Variants in COL22A1 observed in about 807,000 individuals in gnomAD.
The protein encoded by COL22A1 is collagen type XXII alpha 1 chain.
COL22A1 carries 221 observed loss-of-function variants against 248.9 expected under a neutral mutation model. That is an observed-to-expected ratio of 0.89 (90% CI 0.80 to 0.99). COL22A1 has a LOEUF of 0.99. COL22A1 is among the 50% of genes least tolerant of loss of function. The pLI, the probability that COL22A1 is intolerant of heterozygous loss-of-function variation, is 0.00. For missense variants in COL22A1, 2,240 were observed against 2,179.0 expected (o/e 1.03, Z -0.56); for synonymous variants, 891 against 793.4 (o/e 1.12, Z -2.07).
chr8:138,668,924 C>T (rs962437875), intron 41 of COL22A1, among the ~76,000 whole-genome samples: 7 of 152,066 alleles, frequency 4.6e-5, no homozygotes, highest in African/African-American at 1.7e-4. Context: ...TTAGTGGGGT[C>T]GGGGGCTTCA....
chr8:138,830,429 A>C (rs960634402), intron 5 of COL22A1, among the ~76,000 whole-genome samples: 2 of 152,236 alleles, frequency 1.3e-5, no homozygotes, highest in Non-Finnish European at 2.9e-5. Context: ...TTTTATGTAT[A>C]TGTGTTTAAA....
At chr8:138,839,173 G>A (rs149425276) in intron 4 of COL22A1, among the ~76,000 whole-genome samples, 126 of 152,336 alleles carry the variant, frequency 8.3e-4, no homozygotes, top group Middle Eastern at 3.4e-3. Flanking sequence ...ATTTGTGGAA[G>A]GAGAGAAGAA....
intron 10 of COL22A1, among the ~76,000 whole-genome samples, chr8:138,803,432 C>A (rs6995351): frequency 0.056 from 8,513 of 152,054 alleles, 634 homozygotes; most frequent in African/African-American, 0.17. Context: ...GCTTAGCTTC[C>A]GAGATCAGAC....
intron 30 of COL22A1, 113 bp from the exon 31 acceptor site, chr8:138,703,460 G>C: frequency 1.0e-6 from 1 of 958,730 alleles, no homozygotes; most frequent in Admixed American, 1.9e-5. Flanking sequence ...GTTGTCTTCT[G>C]CAGGGTGCAG....
At chr8:138,894,312 G>T (rs1339830274) in intron 1 of COL22A1, among the ~76,000 whole-genome samples, 4 of 152,200 alleles carry the variant, frequency 2.6e-5, no homozygotes, top group African/African-American at 9.6e-5. Flanking sequence ...AGAGACCAAT[G>T]AGGAGTTCTA....
intron 15 of COL22A1, chr8:138,778,089 T>A (rs1041332552): frequency 7.4e-6 from 4 of 538,772 alleles, no homozygotes; most frequent in Non-Finnish European, 1.3e-5. Flanking sequence ...TGGTTAAAAA[T>A]GCAGATTCCT....
At chr8:138,837,355 C>T (rs186506748) in intron 4 of COL22A1, among the ~76,000 whole-genome samples, 6 of 152,322 alleles carry the variant, frequency 3.9e-5, no homozygotes, top group East Asian at 3.9e-4. Context: ...CCAAGTTGGA[C>T]GAGGCCAGTC....
chr8:138,637,989 C>G (rs117943239), intron 47 of COL22A1, among the ~76,000 whole-genome samples: 143 of 151,830 alleles, frequency 9.4e-4, no homozygotes, highest in East Asian at 9.2e-3. Context: ...TCATCATCGT[C>G]TACATCATAA....
At chr8:138,838,620 C>A (rs537457191) in intron 4 of COL22A1, among the ~76,000 whole-genome samples, 2 of 129,652 alleles carry the variant, frequency 1.5e-5, no homozygotes, top group African/African-American at 2.8e-5. Flanking sequence ...GAGTTGAATA[C>A]AACAAAACTT....
In COL22A1 at chr8:138,906,886, C is replaced by T. The variant is rs193261984; in HGVS notation, c.-73+6733G>A. On this transcript the variant is annotated intron_variant, in intron 1 of 64. Transcript: ENST00000303045. The stretch of plus-strand genomic sequence containing the variant: ...CAGGCTGGTCTCGAACTCCTGACCT[C>T]AAGTGATCCTTCCGCCTCGGCCTCC... 1.5e-3 allele frequency among the ~76,000 whole-genome samples: 223 copies of T among 152,326 alleles called. 1 individual carries two copies. The highest frequency in any genetic ancestry group is 5.1e-3 in the African/African-American group (210 of 41,584).
intron 32 of COL22A1, among the ~76,000 whole-genome samples, chr8:138,697,831 T>C (rs1040553633): frequency 2.0e-5 from 3 of 152,204 alleles, no homozygotes; most frequent in African/African-American, 7.2e-5. Context: ...AATACAAACA[T>C]GGGTTGCCAT....
intron 45 of COL22A1, 60 bp downstream of exon 45, chr8:138,655,837 G>T: frequency 1.5e-6 from 2 of 1,373,656 alleles, no homozygotes; most frequent in African/African-American, 1.4e-5. Flanking sequence ...TTATTATCAA[G>T]ATCTCCAATC....
intron 21 of COL22A1, among the ~76,000 whole-genome samples, chr8:138,752,338 G>A (rs150736258): frequency 3.9e-5 from 6 of 152,288 alleles, no homozygotes; most frequent in South Asian, 4.1e-4. Context: ...CCACATCTTC[G>A]ATAAATATTA....
At chr8:138,716,457 C>T (rs577380068) in intron 28 of COL22A1, among the ~76,000 whole-genome samples, 168 bp from the exon 29 acceptor site, 6 of 152,160 alleles carry the variant, frequency 3.9e-5, no homozygotes, top group African/African-American at 7.2e-5. Context: ...TAGAGAATTT[C>T]GTTCACTAGG....
chr8:138,589,913 C>G (rs1384371312), intron 64 of COL22A1, among the ~76,000 whole-genome samples: 1 of 151,946 alleles, frequency 6.6e-6, no homozygotes, highest in African/African-American at 2.4e-5. Flanking sequence ...TGTTCCAAAT[C>G]TGTATTTTCT....
rs760657297 is a variant in COL22A1, at chr8:138,685,218, T to G, written c.2957A>C (p.Asp986Ala). 3.7e-6 allele frequency: 6 copies of G among 1,611,620 alleles called. No individual in the cohort carries two copies. Among genetic ancestry groups the G allele is most frequent in the Non-Finnish European group, 4.2e-6 (5 of 1,178,040 alleles). ...CGACCTTCCACTTACCGGCTCTCCA[T>G]CCTTCCCTTTTCCGGGTGGCCCAGG... ...GLPGPPGKGK[D>A]GEPGLRGSPG... is the part of the protein sequence containing the mutation. The change falls in exon 38 of 65, where the codon GAT (aspartate) becomes GCT (alanine). Residue 986 changes from aspartate to alanine, a missense_variant. Physicochemically the swap from Asp to Ala is moderately radical, Grantham distance 126. Transcript: ENST00000303045.
At chr8:138,809,782 T>G (rs924644842) in intron 9 of COL22A1, among the ~76,000 whole-genome samples, 1 of 151,908 alleles carries the variant, frequency 6.6e-6, no homozygotes, top group African/African-American at 2.4e-5. Context: ...CCTCCCAAAG[T>G]GAGAGGGTGT....
chr8:138,697,890 A>G (rs1418153579), intron 32 of COL22A1, among the ~76,000 whole-genome samples: 1 of 152,166 alleles, frequency 6.6e-6, no homozygotes, highest in African/African-American at 2.4e-5. Context: ...CCACAATGAA[A>G]CTTTTTTTTT....
chr8:138,599,077 C>G (rs912521912), intron 60 of COL22A1, among the ~76,000 whole-genome samples, 179 bp from the exon 61 acceptor site: 2 of 152,220 alleles, frequency 1.3e-5, no homozygotes, highest in African/African-American at 2.4e-5. Flanking sequence ...ATGCACTGTC[C>G]TGATTGTACA....
Sources: allele counts gnomAD v4.1 joint callset (sites outside exome capture counted in the v4.1 genomes callset), GRCh38; gene constraint gnomAD v4.1.1; transcripts MANE v1.5; gene names NCBI Gene and HGNC (gene_info 2026-07-23, HGNC 2026-07-21).